The following PARVB variants were observed in gnomAD, a reference collection of about 807,000 sequenced individuals.
PARVB encodes the protein beta-parvin.
A neutral mutation model predicts 47.0 loss-of-function variants in PARVB; 46 were observed. That is an observed-to-expected ratio of 0.98 (90% CI 0.77 to 1.25). PARVB has a LOEUF of 1.25. Ranked by LOEUF, PARVB falls within the 50% of genes most tolerant of loss-of-function variation. The pLI, the probability that PARVB is intolerant of heterozygous loss-of-function variation, is 0.00. For missense variants in PARVB, 473 were observed against 471.6 expected, an observed-to-expected ratio of 1.00 and a Z score of -0.03; for synonymous variants, 196 against 196.3, an observed-to-expected ratio of 1.00 and a Z score of 0.01.
intron 1 of PARVB, among the ~76,000 whole-genome samples, chr22:44,050,937 A>G (rs1381791346): frequency 2.6e-5 from 4 of 152,198 alleles, no homozygotes; most frequent in African/African-American, 9.6e-5. Flanking sequence ...ACAGAAGCTG[A>G]GGCGGGGGCT....
At chr22:44,081,295 C>T (rs969337290) in intron 1 of PARVB, among the ~76,000 whole-genome samples, 8 of 152,198 alleles carry the variant, frequency 5.3e-5, no homozygotes, top group Non-Finnish European at 7.4e-5. Context: ...GGCCTGTCTC[C>T]GAAGCAGGCC....
chr22:44,013,582 T>C (rs992067162), intron 2 of PARVB, among the ~76,000 whole-genome samples: 1 of 152,218 alleles, frequency 6.6e-6, no homozygotes, highest in Non-Finnish European at 1.5e-5. Flanking sequence ...CTGTGCTCTT[T>C]TGCATCTGTC....
rs2053905827 is a variant in PARVB, at chr22:44,155,237, G to A, written c.844-2745G>A. 6.6e-6 allele frequency among the ~76,000 whole-genome samples: 1 copy of A among 152,210 alleles called. No individual in the cohort carries two copies. The highest frequency in any genetic ancestry group is 1.5e-5 in the Non-Finnish European group (1 of 68,022). Reference sequence around the variant, plus strand: ...GCGATGGGCAGTGTGAGGACTGGGTGAGATGGCGCACTGAGATCAAGTGGG... The same window carrying A: ...GCGATGGGCAGTGTGAGGACTGGGTAAGATGGCGCACTGAGATCAAGTGGG... On this transcript the variant is annotated intron_variant, in intron 10 of 12. Transcript: ENST00000338758. This position sits in a 1 kb window ranked among gnomAD's most constrained non-coding sequence, Gnocchi z 4.8.
At chr22:44,079,363 G>T (rs470027) in intron 1 of PARVB, among the ~76,000 whole-genome samples, 8 of 152,110 alleles carry the variant, frequency 5.3e-5, no homozygotes, top group Admixed American at 3.3e-4. Flanking sequence ...GACAGTAGCA[G>T]GATCGAGAAG....
At chr22:44,152,809 T>G (rs992809789) in intron 10 of PARVB, 1 of 152,206 alleles carries the variant, frequency 6.6e-6, no homozygotes, top group Non-Finnish European at 1.5e-5. Context: ...GGTACAGACA[T>G]CCCTAATGCA....
At chr22:44,074,071 A>G (rs1184399938) in intron 1 of PARVB, among the ~76,000 whole-genome samples, 1 of 152,188 alleles carries the variant, frequency 6.6e-6, no homozygotes, top group East Asian at 1.9e-4. Context: ...AAGACAGTTT[A>G]TGAAAACATA....
At chr22:44,029,614 A>G (rs2050788706) in intron 1 of PARVB, among the ~76,000 whole-genome samples, 1 of 152,078 alleles carries the variant, frequency 6.6e-6, no homozygotes, top group African/African-American at 2.4e-5. Context: ...GGTCTCTACT[A>G]AAAATAGAAA....
intron 2 of PARVB, chr22:43,999,786 C>T (rs371657921): frequency 1.4e-5 from 8 of 589,654 alleles, no homozygotes; most frequent in Admixed American, 1.3e-4. Context: ...TGCTTGAGCC[C>T]AGGAATTTGA....
chr22:44,146,390 TGCTC>T (rs2147134420), intron 8 of PARVB: 1 of 150,694 alleles, frequency 6.6e-6, no homozygotes, highest in South Asian at 2.1e-4. Context: ...CACGCACACA[TGCTC>T]ACACACGCAA....
intron 1 of PARVB, among the ~76,000 whole-genome samples, chr22:44,079,940 G>A (rs2051862682): frequency 6.6e-6 from 1 of 152,236 alleles, no homozygotes; most frequent in East Asian, 1.9e-4. Context: ...AAAAAACATT[G>A]TTCCGGATTT....
At chr22:44,016,083 T>TTTTC (rs1189110991) in intron 2 of PARVB, among the ~76,000 whole-genome samples, 1 of 137,570 alleles carries the variant, frequency 7.3e-6, no homozygotes, top group South Asian at 2.4e-4. Flanking sequence ...GTCTTTTTCT[T>TTTTC]TTTCTTTCTT....
intron 1 of PARVB, chr22:44,039,755 A>G: frequency 2.4e-6 from 1 of 413,212 alleles, no homozygotes; most frequent in South Asian, 1.7e-5. Context: ...CGAGACTCTC[A>G]AAACCACTAT....
rs551809792 is a variant in PARVB at position 44,055,867 on chromosome 22, A to G, written c.112+31416A>G. Among the ~76,000 whole-genome samples, 19 of 152,284 alleles carry G rather than the reference A, an allele frequency of 1.2e-4. 1 individual carries two copies. In the East Asian group the frequency reaches 3.7e-3, roughly 29 times the overall value. On this transcript the variant is annotated intron_variant, in intron 1 of 12. Transcript: ENST00000338758. The stretch of plus-strand genomic sequence containing the variant: ...TGCCTTTCGGTCTATTCAGGTGTCA[A>G]ATGGATTGGCCGAGGCCTATCCGCA...
At chr22:44,167,709 G>A (rs778323807) in intron 12 of PARVB, among the ~76,000 whole-genome samples, 1 of 60,148 alleles carries the variant, frequency 1.7e-5, no homozygotes, top group Non-Finnish European at 4.0e-5. Flanking sequence ...GTGTCCCCAA[G>A]CCCGCCGAGC....
At chr22:44,099,920 C>T in intron 2 of PARVB, 133 bp from the exon 3 acceptor site, 1 of 716,808 alleles carries the variant, frequency 1.4e-6, no homozygotes, top group South Asian at 1.6e-5. Flanking sequence ...AAGGCGGTTC[C>T]TTGCAGTCAC....
intron 1 of PARVB, among the ~76,000 whole-genome samples, chr22:44,088,686 G>A (rs531936511): frequency 6.6e-6 from 1 of 152,216 alleles, no homozygotes; most frequent in Admixed American, 6.5e-5. Context: ...TGGTCAGGCT[G>A]GTCTCGAAGT....
At position 44,024,471 on chromosome 22, in the gene PARVB, C is replaced by G. The variant is rs2050694940; in HGVS notation, c.112+20C>G. 8.8e-7 allele frequency: 1 copy of G among 1,137,170 alleles called. No individual in the cohort carries two copies. The highest frequency in any genetic ancestry group is 1.7e-5 in the African/African-American group (1 of 60,286). The allele number at this position is 1,137,170 out of a possible 1,614,324, so 70.4% of individuals were successfully genotyped here. A position where few individuals can be genotyped will look rare whatever the true frequency, so the allele number is the denominator to read the frequency against. ...GCGAGGGTGAGTGCGCGCCCGCGCC[C>G]GCCGACCCCCGGGGACCTGCCCGGC... On this transcript the variant is annotated intron_variant, in intron 1 of 12. Coordinates refer to ENST00000338758, the MANE Select transcript of PARVB (RefSeq NM_013327.5).
chr22:44,138,830 C>T (rs1186078193), intron 7 of PARVB, among the ~76,000 whole-genome samples: 1 of 152,174 alleles, frequency 6.6e-6, no homozygotes, highest in East Asian at 1.9e-4. Context: ...AGGGCAGGGC[C>T]ACATAGTGTT....
intron 8 of PARVB, chr22:44,146,627 G>T (rs748165265): frequency 5.9e-5 from 9 of 152,360 alleles, no homozygotes; most frequent in Admixed American, 2.0e-4. Context: ...ACTTCTCTCC[G>T]TAGGTCTCTG....
Sources: gnomAD v4.1 joint callset for allele counts (sites outside exome capture counted in the v4.1 genomes callset) on GRCh38, gnomAD v4.1.1 for gene constraint, Gnocchi (gnomAD v3.1) non-coding constraint, MANE v1.5 for transcripts, NCBI Gene and HGNC (gene_info 2026-07-23, HGNC 2026-07-21) for gene names.